Variants in KCNC2 observed in about 807,000 individuals in gnomAD.
KCNC2 encodes the protein voltage-gated potassium channel KCNC2.
In KCNC2, 21 loss-of-function variants were observed where a neutral mutation model predicts 44.5. The observed-to-expected ratio is 0.47, with a 90% CI of 0.33 to 0.68. The LOEUF is 0.68. KCNC2 is among the 30% of genes least tolerant of loss of function. KCNC2 has a pLI of 0.01. For synonymous variants in KCNC2, 391 were observed against 339.1 expected (o/e 1.15, Z -1.68); for missense variants, 589 against 826.2 (o/e 0.71, Z 3.52).
intron 2 of KCNC2, among the ~76,000 whole-genome samples, chr12:75,139,836 G>A (rs905395378): frequency 2.0e-5 from 3 of 152,096 alleles, no homozygotes; most frequent in Admixed American, 6.5e-5. Flanking sequence ...ATAAAGTATT[G>A]CAGCGGAAGA....
chr12:75,138,588 G>T (rs1348455712), intron 2 of KCNC2, among the ~76,000 whole-genome samples: 1 of 152,112 alleles, frequency 6.6e-6, no homozygotes, highest in African/African-American at 2.4e-5. Context: ...TGAGAACAAG[G>T]TATGTTTTTA....
At chr12:75,156,827 A>G (rs1487923725) in intron 2 of KCNC2, among the ~76,000 whole-genome samples, 1 of 151,868 alleles carries the variant, frequency 6.6e-6, no homozygotes, top group Non-Finnish European at 1.5e-5. Flanking sequence ...TCTTTATATC[A>G]TTATCATACC....
chr12:75,146,206 G>C (rs1010602475), intron 2 of KCNC2, among the ~76,000 whole-genome samples: 1 of 151,942 alleles, frequency 6.6e-6, no homozygotes, highest in African/African-American at 2.4e-5. Flanking sequence ...CACCTGCCTT[G>C]GCCTCCCAAA....
At chr12:75,197,518 T>C (rs1363707409) in intron 2 of KCNC2, among the ~76,000 whole-genome samples, 3 of 152,036 alleles carry the variant, frequency 2.0e-5, no homozygotes, top group Admixed American at 6.6e-5. Context: ...TATCACTTAG[T>C]GCACTATAAC....
At chr12:75,129,177 G>A (rs534824520) in intron 2 of KCNC2, among the ~76,000 whole-genome samples, 2 of 152,178 alleles carry the variant, frequency 1.3e-5, no homozygotes, top group East Asian at 3.9e-4. Context: ...AAGGGCAAAG[G>A]AACAGTGGCA....
chr12:75,137,870 G>C (rs1023232072), intron 2 of KCNC2, among the ~76,000 whole-genome samples: 3 of 152,186 alleles, frequency 2.0e-5, no homozygotes, highest in Non-Finnish European at 4.4e-5. Flanking sequence ...TACAAAAGAA[G>C]TGTGCCTGTT....
chr12:75,051,241 T>C lies in KCNC2; in HGVS notation c.764A>G (p.Asn255Ser). 6.2e-7 allele frequency: 1 copy of C among 1,609,080 alleles called. No individual in the cohort carries two copies. The highest frequency in any genetic ancestry group is 8.5e-7 in the Non-Finnish European group (1 of 1,175,928). Residue 255 changes from asparagine (N) to serine (S), a missense_variant, in exon 3 of 5, where the codon AAT becomes AGT. Asn to Ser is a conservative substitution (Grantham distance 46, BLOSUM62 1). Transcript: ENST00000549446. ...TGGTTCTGTCTTGTTTTTAACAATA[T>C]TGAAAGCTTCATGTGTTTCCAGGCA... ...TFCLETHEAFNIVKNKTEPVI... is the reference protein window; with the variant it reads ...TFCLETHEAFSIVKNKTEPVI...
chr12:75,187,927 T>A (rs2029868654), intron 2 of KCNC2, among the ~76,000 whole-genome samples: 1 of 152,218 alleles, frequency 6.6e-6, no homozygotes, highest in Non-Finnish European at 1.5e-5. Flanking sequence ...TTAAAAGCCC[T>A]CTTTTTGTCA....
chr12:75,065,937 T>A (rs944983659), intron 2 of KCNC2, among the ~76,000 whole-genome samples: 3 of 152,124 alleles, frequency 2.0e-5, no homozygotes, highest in Non-Finnish European at 2.9e-5. Context: ...TAAAATTACA[T>A]TCATATTTTG....
At chr12:75,165,603 A>G (rs2137547856) in intron 2 of KCNC2, among the ~76,000 whole-genome samples, 1 of 151,518 alleles carries the variant, frequency 6.6e-6, no homozygotes, top group Non-Finnish European at 1.5e-5. Context: ...AATATATTCT[A>G]CCTCTTCTAA....
intron 2 of KCNC2, among the ~76,000 whole-genome samples, chr12:75,144,376 A>C (rs1277900205): frequency 6.6e-6 from 1 of 152,180 alleles, no homozygotes; most frequent in African/African-American, 2.4e-5. Flanking sequence ...TTGTCCCACT[A>C]GTACATTAAT....
chr12:75,185,419 G>A (rs1892871624), intron 2 of KCNC2, among the ~76,000 whole-genome samples: 1 of 152,084 alleles, frequency 6.6e-6, no homozygotes, highest in African/African-American at 2.4e-5. Flanking sequence ...TGGGTCATGG[G>A]CGCATGACCT....
intron 2 of KCNC2, among the ~76,000 whole-genome samples, chr12:75,138,081 A>T (rs1045958277): frequency 2.0e-5 from 3 of 152,212 alleles, no homozygotes; most frequent in African/African-American, 4.8e-5. Context: ...ACTGACCTGG[A>T]CATAAACAGA....
chr12:75,044,849 G>A lies in KCNC2; in HGVS notation c.1781-1608C>T, dbSNP rs529674291. The A allele has an allele frequency of 3.3e-5, 5 of 151,952 alleles. No homozygotes were observed. The East Asian group carries it at 9.7e-4, about 29-fold the overall frequency. The allele number at this position is 151,952 out of a possible 1,614,324, so 9.4% of individuals were successfully genotyped here. On this transcript the variant is annotated intron_variant, in intron 4 of 4. Coordinates refer to ENST00000549446, the MANE Select transcript of KCNC2 (RefSeq NM_139137.4). ...GCTAATTAAATAATTATCTGCCAAT[G>A]TTTTGTTAGTATTCTGAGCTATAAA...
intron 2 of KCNC2, among the ~76,000 whole-genome samples, chr12:75,074,021 G>A (rs1236215892): frequency 6.6e-6 from 1 of 151,972 alleles, no homozygotes; most frequent in African/African-American, 2.4e-5. Flanking sequence ...TCTGCCTATT[G>A]AAATTATAAA....
At chr12:75,086,669 A>ATATATATATAT (rs1555208166) in intron 2 of KCNC2, among the ~76,000 whole-genome samples, 1 of 79,166 alleles carries the variant, frequency 1.3e-5, no homozygotes, top group African/African-American at 4.0e-5. Flanking sequence ...GCAAAAAAAA[A>ATATATATATAT]AAAAAAAAAA....
Position 75,051,111 on chromosome 12 carries a change from T to C in KCNC2, c.894A>G (p.Leu298=). The change falls in exon 3 of 5, where the codon TTA becomes TTG. Residue 298 remains leucine, a synonymous_variant. Transcript: ENST00000549446. Reference sequence around the variant, plus strand: ...TATTGGGTGAAAAAACAATACGGACTAAAAATTCAAAAGTAAACCACACCA... The same window carrying C: ...TATTGGGTGAAAAAACAATACGGACCAAAAATTCAAAAGTAAACCACACCA... ...VCVVWFTFEF[L]VRIVFSPNKL... 6.2e-7 allele frequency: 1 copy of C among 1,613,646 alleles called. No homozygotes were observed. The highest frequency in any genetic ancestry group is 8.5e-7 in the Non-Finnish European group (1 of 1,179,698).
At chr12:75,109,895 AT>A (rs561597301) in intron 2 of KCNC2, among the ~76,000 whole-genome samples, 50 of 152,106 alleles carry the variant, frequency 3.3e-4, no homozygotes, top group Non-Finnish European at 5.6e-4. Context: ...AAAAAATCTA[AT>A]TTTTTTTAAA....
intron 2 of KCNC2, among the ~76,000 whole-genome samples, chr12:75,158,640 G>T (rs186142904): frequency 6.6e-6 from 1 of 151,916 alleles, no homozygotes. Context: ...ACAGGGTCTT[G>T]TGAAAGGAGG....
Sources: gnomAD v4.1 joint callset for allele counts (sites outside exome capture counted in the v4.1 genomes callset) on GRCh38, gnomAD v4.1.1 for gene constraint, MANE v1.5 for transcripts, NCBI Gene and HGNC (gene_info 2026-07-23, HGNC 2026-07-21) for gene names.